The following DPY19L1 variants were observed in gnomAD, a reference collection of about 807,000 sequenced individuals.
DPY19L1 encodes the protein dpy-19 like C-mannosyltransferase 1.
A neutral mutation model predicts 96.9 loss-of-function variants in DPY19L1; 35 were observed. The observed-to-expected ratio is 0.36, with a 90% CI of 0.28 to 0.48. The LOEUF (loss-of-function observed/expected upper bound fraction) is 0.48, where lower values mean the gene tolerates loss of function less well. DPY19L1 is among the 20% of genes least tolerant of loss of function. DPY19L1 has a pLI of 0.99. For missense variants in DPY19L1, 521 were observed against 777.9 expected, an observed-to-expected ratio of 0.67 and a Z score of 3.93; for synonymous variants, 205 against 252.6, an observed-to-expected ratio of 0.81 and a Z score of 1.79.
At chr7:34,946,985 G>GT (rs1454796306) in intron 15 of DPY19L1, among the ~76,000 whole-genome samples, 1 of 151,936 alleles carries the variant, frequency 6.6e-6, no homozygotes, top group Non-Finnish European at 1.5e-5. Context: ...CACTGGCCAC[G>GT]TATCAGGAAA....
At chr7:34,961,886 A>C (rs1784508062) in intron 10 of DPY19L1, among the ~76,000 whole-genome samples, 1 of 152,216 alleles carries the variant, frequency 6.6e-6, no homozygotes, top group African/African-American at 2.4e-5. Flanking sequence ...TGTTCAACCA[A>C]ATTAAAACAA....
At chr7:35,004,376 T>C (rs528370178) in intron 6 of DPY19L1, among the ~76,000 whole-genome samples, 1 of 152,280 alleles carries the variant, frequency 6.6e-6, no homozygotes, top group Admixed American at 6.5e-5. Flanking sequence ...TTTTCAAAAC[T>C]AAACACACCA....
At chr7:35,024,493 G>C (rs1234736198) in intron 1 of DPY19L1, among the ~76,000 whole-genome samples, 1 of 152,042 alleles carries the variant, frequency 6.6e-6, no homozygotes, top group Non-Finnish European at 1.5e-5. Flanking sequence ...CCATCCTAGG[G>C]GGTGAAGTCA....
chr7:35,005,564 C>T (rs1036977681), intron 6 of DPY19L1, among the ~76,000 whole-genome samples: 6 of 144,070 alleles, frequency 4.2e-5, no homozygotes, highest in East Asian at 2.1e-4. Context: ...TTTGGGAGGC[C>T]GGGGTGGGTG....
intron 6 of DPY19L1, among the ~76,000 whole-genome samples, chr7:34,997,109 T>C: frequency 6.6e-6 from 1 of 152,048 alleles, no homozygotes; most frequent in Non-Finnish European, 1.5e-5. Context: ...AGAAGTGTCA[T>C]TTGCTGAGAG....
chr7:35,017,983 A>T lies in DPY19L1; in HGVS notation c.324-14T>A. ...GTTATATGGCTCCTGGAAAAACAAAACAAAGCAATAGTGTTAAAACTTACA... is the reference window on the plus strand; with the variant it reads ...GTTATATGGCTCCTGGAAAAACAAATCAAAGCAATAGTGTTAAAACTTACA... On this transcript the variant is annotated splice_polypyrimidine_tract_variant and intron_variant, in intron 2 of 21. Coordinates refer to ENST00000638088, the MANE Select transcript of DPY19L1 (RefSeq NM_001366673.1). 1 of 1,578,168 alleles carries T rather than the reference A, an allele frequency of 6.3e-7. No homozygotes were observed.
At position 34,938,052 on chromosome 7, in the gene DPY19L1, T is replaced by C; in HGVS notation, c.2032A>G (p.Ile678Val). 1.9e-6 allele frequency: 3 copies of C among 1,614,070 alleles called. No individual in the cohort carries two copies. The highest frequency in any genetic ancestry group is 2.5e-6 in the Non-Finnish European group (3 of 1,179,984). The stretch of plus-strand genomic sequence containing the variant: ...ATGTAATAGTTCACTTTTAACTTTA[T>C]CAGTTCTCGCTTCACTTCTTCGGCT... ...KAAEEVKRELIKLKVNYYILE... is the reference protein window; with the variant it reads ...KAAEEVKRELVKLKVNYYILE... Residue 678 changes from isoleucine (I) to valine (V), a missense_variant, in exon 21 of 22, where the codon ATA becomes GTA. Physicochemically the swap from Ile to Val is conservative, Grantham distance 29 (BLOSUM62 3). Coordinates refer to ENST00000638088, the MANE Select transcript of DPY19L1 (RefSeq NM_001366673.1).
At chr7:34,954,244 CTAA>C (rs1054173629) in intron 13 of DPY19L1, among the ~76,000 whole-genome samples, 1 of 152,002 alleles carries the variant, frequency 6.6e-6, no homozygotes, top group Non-Finnish European at 1.5e-5. Flanking sequence ...AAAATCTTCT[CTAA>C]ATAAGACTCA....
chr7:34,938,316 G>C (rs1284441757), intron 20 of DPY19L1, among the ~76,000 whole-genome samples, 197 bp from the exon 21 acceptor site: 2 of 152,214 alleles, frequency 1.3e-5, no homozygotes, highest in African/African-American at 4.8e-5. Context: ...TTGTGGAGAA[G>C]AGGGTGACCT....
chr7:34,937,937 G>A lies in DPY19L1; in HGVS notation c.2090+57C>T. On this transcript the variant is annotated intron_variant, in intron 21 of 21. Coordinates refer to ENST00000638088, the MANE Select transcript of DPY19L1 (RefSeq NM_001366673.1). ...GCCACCAGCAAAGCATGTGCCATGTGCTTGAATTAACCTTCATGTCTTATG... is the reference window on the plus strand; with the variant it reads ...GCCACCAGCAAAGCATGTGCCATGTACTTGAATTAACCTTCATGTCTTATG... 3.2e-6 allele frequency: 5 copies of A among 1,572,248 alleles called. No homozygotes were observed. In the East Asian group the frequency reaches 6.8e-5, roughly 21 times the overall value.
intron 1 of DPY19L1, among the ~76,000 whole-genome samples, chr7:35,028,319 T>A (rs559941766): frequency 2.7e-4 from 41 of 152,176 alleles, no homozygotes; most frequent in Non-Finnish European, 5.0e-4. Flanking sequence ...AACGATTTAT[T>A]TTAAAGTGAA....
chr7:35,023,803 T>C (rs1786052069), intron 1 of DPY19L1, among the ~76,000 whole-genome samples: 1 of 150,632 alleles, frequency 6.6e-6, no homozygotes, highest in South Asian at 2.1e-4. Flanking sequence ...AATATTTATA[T>C]GAAGAAATAT....
chr7:34,968,496 C>T (rs886521688), intron 9 of DPY19L1, among the ~76,000 whole-genome samples: 6 of 152,076 alleles, frequency 3.9e-5, no homozygotes, highest in African/African-American at 2.4e-5. Context: ...AGCAGCCAGG[C>T]GCAGTGGCTC....
chr7:35,013,827 T>G, intron 3 of DPY19L1, 122 bp from the exon 4 acceptor site: 1 of 644,962 alleles, frequency 1.6e-6, no homozygotes, highest in Non-Finnish European at 2.4e-6. Flanking sequence ...TACAATGAAT[T>G]TCACAGGTTT....
chr7:34,968,313 A>AT (rs1194611465), intron 9 of DPY19L1, among the ~76,000 whole-genome samples: 4 of 152,324 alleles, frequency 2.6e-5, no homozygotes, highest in African/African-American at 9.6e-5. Flanking sequence ...ATCTGGTCCT[A>AT]TCCACAACCC....
intron 7 of DPY19L1, among the ~76,000 whole-genome samples, chr7:34,986,133 G>A (rs901116201): frequency 4.6e-5 from 7 of 151,978 alleles, no homozygotes; most frequent in African/African-American, 1.7e-4. Context: ...AGAACAGAAA[G>A]GTAGTTACCA....
At chr7:34,931,854 A>C in intron 21 of DPY19L1, 125 bp from the exon 22 acceptor site, 1 of 1,359,550 alleles carries the variant, frequency 7.4e-7, no homozygotes, top group Non-Finnish European at 9.8e-7. Flanking sequence ...GTTTTTAAAC[A>C]ATCCTGTTAC....
At chr7:34,947,855 T>TC (rs1784184480) in intron 14 of DPY19L1, among the ~76,000 whole-genome samples, 154 bp from the exon 15 acceptor site, 1 of 152,114 alleles carries the variant, frequency 6.6e-6, no homozygotes. Context: ...AAGGTGCATT[T>TC]CCATAGAAAT....
At chr7:34,951,512 T>C (rs548284964) in intron 13 of DPY19L1, among the ~76,000 whole-genome samples, 5 of 151,976 alleles carry the variant, frequency 3.3e-5, no homozygotes, top group Admixed American at 2.0e-4. Flanking sequence ...TTTTAAAAAA[T>C]CACAAATAGA....
Sources: gnomAD v4.1 joint callset for allele counts (sites outside exome capture counted in the v4.1 genomes callset) on GRCh38, gnomAD v4.1.1 for gene constraint, MANE v1.5 for transcripts, NCBI Gene and HGNC (gene_info 2026-07-23, HGNC 2026-07-21) for gene names.